The following ZMIZ1 variants were observed in gnomAD, a reference collection of about 807,000 sequenced individuals.
ZMIZ1 encodes the protein zinc finger MIZ domain-containing protein 1.
A neutral mutation model predicts 113.9 loss-of-function variants in ZMIZ1; 17 were observed. That is an observed-to-expected ratio of 0.15 (90% CI 0.10 to 0.22). The LOEUF (loss-of-function observed/expected upper bound fraction) is 0.22. Ranked by LOEUF, ZMIZ1 falls within the 10% of genes least tolerant of loss-of-function variation. The pLI is 1.00. For synonymous variants in ZMIZ1, 607 were observed against 603.1 expected (o/e 1.01, Z -0.09); for missense variants, 1,059 against 1,477.8 (o/e 0.72, Z 4.65).
chr10:79,285,250 T>G (rs1852992329), intron 8 of ZMIZ1, among the ~76,000 whole-genome samples: 1 of 152,256 alleles, frequency 6.6e-6, no homozygotes, highest in Non-Finnish European at 1.5e-5. Context: ...GGGCACTGAA[T>G]GAGTTCTTAG....
At chr10:79,159,696 G>GA (rs1846031172) in intron 3 of ZMIZ1, among the ~76,000 whole-genome samples, 1 of 152,194 alleles carries the variant, frequency 6.6e-6, no homozygotes, top group African/African-American at 2.4e-5. Flanking sequence ...ACTCAATACA[G>GA]AGTGCCCTCC....
intron 1 of ZMIZ1, among the ~76,000 whole-genome samples, chr10:79,096,430 T>A (rs1470745944): frequency 6.6e-6 from 1 of 152,056 alleles, no homozygotes; most frequent in Non-Finnish European, 1.5e-5. Context: ...GAGAATGGCG[T>A]GAACCCGGGA....
In ZMIZ1 at chr10:79,171,921, A is replaced by G. The variant is rs370589321; in HGVS notation, c.-50+9788A>G. Among the ~76,000 whole-genome samples, 8 of 152,196 alleles carry G rather than the reference A, an allele frequency of 5.3e-5. No homozygotes were observed. In the East Asian group the frequency reaches 9.6e-4, roughly 18 times the overall value. On this transcript the variant is annotated intron_variant, in intron 4 of 24. Coordinates refer to ENST00000334512, the MANE Select transcript of ZMIZ1 (RefSeq NM_020338.4). Reference sequence around the variant, plus strand: ...GCAGCCACAGGCTCAGACCTGGTACATCGTAGGCCATATCCCTATGAAGTG... The same window carrying G: ...GCAGCCACAGGCTCAGACCTGGTACGTCGTAGGCCATATCCCTATGAAGTG...
chr10:79,083,715 G>C (rs1842727654), intron 1 of ZMIZ1, among the ~76,000 whole-genome samples: 1 of 152,178 alleles, frequency 6.6e-6, no homozygotes, highest in Admixed American at 6.5e-5. Flanking sequence ...TGGAGGTAGT[G>C]AAACAAGGTC....
chr10:79,233,976 G>A (rs952034340), intron 7 of ZMIZ1, among the ~76,000 whole-genome samples: 4 of 152,066 alleles, frequency 2.6e-5, no homozygotes, highest in African/African-American at 9.7e-5. Context: ...GGAGTCAGGC[G>A]AGAGCAACCC....
chr10:79,314,947 G>C lies in ZMIZ1; in HGVS notation c.*2198G>C, dbSNP rs932433889. On this transcript the variant is annotated 3_prime_UTR_variant, in exon 25 of 25. Transcript: ENST00000334512. Reference sequence around the variant, plus strand: ...AGACTTACAGATGCCTTCCTTAGGAGTTCTTGCTTCTTGCGTTGATACTTT... The same window carrying C: ...AGACTTACAGATGCCTTCCTTAGGACTTCTTGCTTCTTGCGTTGATACTTT... 4 of 152,724 alleles carry C rather than the reference G, an allele frequency of 2.6e-5. No individual in the cohort carries two copies. Among genetic ancestry groups the C allele is most frequent in the Admixed American group, 6.5e-5 (1 of 15,292 alleles). 9.5% of individuals were successfully genotyped at this position (152,724 alleles called of 1,614,324 possible).
chr10:79,292,470 G>T lies in ZMIZ1; in HGVS notation c.957+114G>T, dbSNP rs1012580048. On this transcript the variant is annotated intron_variant, in intron 11 of 24. Transcript: ENST00000334512. The stretch of plus-strand genomic sequence containing the variant: ...TGGGGCCATGTGTGCTGGGAGAGCT[G>T]ACTGCATTAGGGTGCATTTGGGCTT... 37 of 1,389,486 alleles carry T rather than the reference G, an allele frequency of 2.7e-5. 1 individual carries two copies. In the Admixed American group the frequency reaches 7.3e-4, roughly 28 times the overall value. 86.1% of individuals were successfully genotyped at this position (1,389,486 alleles called of 1,614,324 possible). A position where few individuals can be genotyped will look rare whatever the true frequency, so the allele number is the denominator to read the frequency against.
At chr10:79,267,263 G>T (rs1851663112) in intron 7 of ZMIZ1, among the ~76,000 whole-genome samples, 1 of 152,226 alleles carries the variant, frequency 6.6e-6, no homozygotes, top group South Asian at 2.1e-4. Flanking sequence ...GGAGCACCCA[G>T]TGTGAAGGGG....
At chr10:79,098,877 C>G (rs1843261149) in intron 1 of ZMIZ1, among the ~76,000 whole-genome samples, 1 of 152,162 alleles carries the variant, frequency 6.6e-6, no homozygotes, top group South Asian at 2.1e-4. Flanking sequence ...TCAGCTCAGG[C>G]TTCATTTGTC....
At chr10:79,153,805 C>T (rs574655994) in intron 3 of ZMIZ1, among the ~76,000 whole-genome samples, 5 of 152,234 alleles carry the variant, frequency 3.3e-5, no homozygotes, top group Non-Finnish European at 5.9e-5. Context: ...TGCCCAGACC[C>T]GCCACCACCC....
intron 7 of ZMIZ1, among the ~76,000 whole-genome samples, chr10:79,218,946 G>C (rs1159143147): frequency 6.6e-6 from 1 of 152,040 alleles, no homozygotes; most frequent in Non-Finnish European, 1.5e-5. Flanking sequence ...GCCTGTCTTG[G>C]AGGTCACAGT....
chr10:79,311,269 C>T (rs945937790), intron 24 of ZMIZ1, 85 bp downstream of exon 24: 5 of 804,468 alleles, frequency 6.2e-6, no homozygotes, highest in South Asian at 2.8e-5. Flanking sequence ...TGTGAGGGCT[C>T]GAGGCCCCGA....
At chr10:79,175,944 G>A (rs1218082475) in intron 4 of ZMIZ1, among the ~76,000 whole-genome samples, 1 of 152,082 alleles carries the variant, frequency 6.6e-6, no homozygotes, top group Non-Finnish European at 1.5e-5. Flanking sequence ...AAGGCAGAGA[G>A]GGGAGAGTTT....
In ZMIZ1 at chr10:79,216,895, G is replaced by C. The variant is rs114750092; in HGVS notation, c.280+621G>C. ...TTGCAGTAAGCAGGGGCCATGGAGA[G>C]TGCCAAGCAGCATTCTGTCTGGGAG... On this transcript the variant is annotated intron_variant, in intron 7 of 24. Transcript: ENST00000334512. Among the ~76,000 whole-genome samples, 673 of 152,376 alleles carry C rather than the reference G, an allele frequency of 4.4e-3. 6 individuals carry two copies. Among genetic ancestry groups the C allele is most frequent in the African/African-American group, 0.015 (642 of 41,594 alleles).
At chr10:79,211,800 G>T (rs1848536649) in intron 6 of ZMIZ1, among the ~76,000 whole-genome samples, 2 of 152,346 alleles carry the variant, frequency 1.3e-5, no homozygotes, top group South Asian at 4.1e-4. Flanking sequence ...TAGTCGGGCA[G>T]AGCAGCCCCT....
chr10:79,298,648 TC>T, intron 15 of ZMIZ1, 68 bp downstream of exon 15: 1 of 1,431,026 alleles, frequency 7.0e-7, no homozygotes, highest in Non-Finnish European at 9.5e-7. Flanking sequence ...AGCAGGGGCT[TC>T]GCAGTCAGGC....
intron 1 of ZMIZ1, among the ~76,000 whole-genome samples, chr10:79,075,647 C>T (rs1842449249): frequency 6.6e-6 from 1 of 151,856 alleles, no homozygotes; most frequent in Non-Finnish European, 1.5e-5. Context: ...ACTGGCCCTG[C>T]TGGCCAGGGC....
rs187575155 is a variant in ZMIZ1, at chr10:79,125,417, G to A, written c.-227+6393G>A. 5.5e-3 allele frequency among the ~76,000 whole-genome samples: 843 copies of A among 152,318 alleles called. 6 individuals are homozygous for A. Among genetic ancestry groups the A allele is most frequent in the African/African-American group, 0.019 (776 of 41,558 alleles). The stretch of plus-strand genomic sequence containing the variant: ...GGTAGGTCTGGGTCTCCCTCTGGCC[G>A]TCCCAGGGTCCTGGACATGCTTCAT... On this transcript the variant is annotated intron_variant, in intron 2 of 24. Coordinates refer to ENST00000334512, the MANE Select transcript of ZMIZ1 (RefSeq NM_020338.4).
At chr10:79,244,854 G>A (rs1289737519) in intron 7 of ZMIZ1, among the ~76,000 whole-genome samples, 1 of 152,192 alleles carries the variant, frequency 6.6e-6, no homozygotes, top group Non-Finnish European at 1.5e-5. Context: ...GGGGGCTCCG[G>A]CTCCCCCAGT....
Sources: allele counts gnomAD v4.1 joint callset (sites outside exome capture counted in the v4.1 genomes callset), GRCh38; gene constraint gnomAD v4.1.1; transcripts MANE v1.5; gene names NCBI Gene and HGNC (gene_info 2026-07-23, HGNC 2026-07-21).